DMD: variants seen among roughly 807,000 people sequenced by gnomAD.
The protein encoded by DMD is dystrophin, also known as mutant dystrophin.
DMD carries 63 observed loss-of-function variants against 330.1 expected under a neutral mutation model. That is an observed-to-expected ratio of 0.19 (90% confidence interval 0.16 to 0.24). DMD has a LOEUF of 0.24. Ranked by LOEUF, DMD falls within the 10% of genes least tolerant of loss-of-function variation. DMD has a pLI of 1.00. For missense variants in DMD, 3,344 were observed against 2,684.1 expected (o/e 1.25, Z -5.43); for synonymous variants, 1,223 against 959.8 (o/e 1.27, Z -5.07).
intron 13 of DMD, among the ~76,000 whole-genome samples, chrX:32,591,879 C>T (rs1467423871): frequency 8.8e-6 from 1 of 113,094 alleles, no homozygotes; most frequent in Non-Finnish European, 1.9e-5. Context: ...CATCTCCTCG[C>T]TCCCCGCACT....
chrX:32,510,161 G>A lies in DMD; in HGVS notation c.2292+7847C>T, dbSNP rs574078236. On this transcript the variant is annotated intron_variant, in intron 18 of 78. Coordinates refer to ENST00000357033, the MANE Select transcript of DMD (RefSeq NM_004006.3). ...AATAAAAGCTCAAGTCCTTACCATG[G>A]TCTGATCTTAATTAACTTCCTTAAC... is the stretch of plus-strand genomic sequence containing the variant. Among the ~76,000 whole-genome samples, 4 of 111,996 alleles carry A rather than the reference G, an allele frequency of 3.6e-5. No homozygotes were observed. The South Asian group carries it at 1.1e-3, about 31-fold the overall frequency.
At chrX:32,740,628 C>A (rs1484652036) in intron 7 of DMD, among the ~76,000 whole-genome samples, 1 of 111,193 alleles carries the variant, frequency 9.0e-6, no homozygotes, top group South Asian at 3.7e-4. Context: ...ATTATAAAAG[C>A]ATAAAGTTTA....
At chrX:33,103,902 T>C (rs2095263285) in intron 1 of DMD, among the ~76,000 whole-genome samples, 1 of 111,749 alleles carries the variant, frequency 8.9e-6, no homozygotes, top group South Asian at 3.7e-4. Flanking sequence ...TAATGATAAA[T>C]CTAGCATAAT....
intron 49 of DMD, among the ~76,000 whole-genome samples, chrX:31,825,694 T>C (rs1009361651): frequency 5.4e-5 from 6 of 111,972 alleles, no homozygotes; most frequent in Non-Finnish European, 9.4e-5. Context: ...CATATAACAC[T>C]GTATCACTAA....
At chrX:33,173,446 C>T (rs774885252) in intron 1 of DMD, among the ~76,000 whole-genome samples, 7 of 111,022 alleles carry the variant, frequency 6.3e-5, no homozygotes, top group Non-Finnish European at 1.3e-4. Flanking sequence ...TACACTGTAT[C>T]GTACCCCAAA....
At chrX:33,143,562 T>C (rs779120428) in intron 1 of DMD, among the ~76,000 whole-genome samples, 19 of 111,574 alleles carry the variant, frequency 1.7e-4, no homozygotes, top group Non-Finnish European at 3.4e-4. Context: ...AATCATTTTA[T>C]TCCCTTATTT....
intron 60 of DMD, among the ~76,000 whole-genome samples, chrX:31,370,220 A>C (rs1297879385): frequency 9.0e-6 from 1 of 111,712 alleles, no homozygotes; most frequent in Non-Finnish European, 1.9e-5. Context: ...CAACCTCGCC[A>C]AAATTAAAAT....
intron 1 of DMD, among the ~76,000 whole-genome samples, chrX:33,049,636 C>T (rs774339810): frequency 1.8e-5 from 2 of 110,482 alleles, no homozygotes; most frequent in African/African-American, 6.6e-5. Context: ...AATTAGGCCA[C>T]CTCCCTCCAG....
At chrX:31,635,617 T>A (rs1479352684) in intron 54 of DMD, among the ~76,000 whole-genome samples, 1 of 111,700 alleles carries the variant, frequency 9.0e-6, no homozygotes, top group African/African-American at 3.2e-5. Context: ...ACAGATGAAA[T>A]AAACTTATAG....
chrX:33,268,944 C>T (rs921715111), intron 1 of DMD, among the ~76,000 whole-genome samples: 17 of 107,799 alleles, frequency 1.6e-4, no homozygotes, highest in African/African-American at 5.7e-4. Flanking sequence ...AAGATAAACG[C>T]TGGTGAGGCT....
chrX:33,123,275 G>A (rs901512014), intron 1 of DMD, among the ~76,000 whole-genome samples: 1 of 111,965 alleles, frequency 8.9e-6, no homozygotes, highest in African/African-American at 3.2e-5. Context: ...TGTATCCCTG[G>A]TGTTAACACA....
intron 9 of DMD, among the ~76,000 whole-genome samples, chrX:32,683,381 T>A (rs145278527): frequency 0.029 from 3,221 of 109,790 alleles, 96 homozygotes; most frequent in African/African-American, 0.099. Flanking sequence ...TAGCAAAGAC[T>A]TGGAATCAAC....
At chrX:32,258,672 G>T (rs12688775) in intron 43 of DMD, among the ~76,000 whole-genome samples, 1 of 109,314 alleles carries the variant, frequency 9.1e-6, no homozygotes, top group East Asian at 2.9e-4. Context: ...AGGGGATGGG[G>T]GGTTAGGGGA....
chrX:33,230,996 C>A (rs748421667), intron 1 of DMD, among the ~76,000 whole-genome samples: 2 of 111,139 alleles, frequency 1.8e-5, no homozygotes, highest in Non-Finnish European at 3.8e-5. Context: ...GAATCAGGCA[C>A]CTTGGTACTT....
At chrX:32,815,292 A>G (rs1485558943) in intron 6 of DMD, among the ~76,000 whole-genome samples, 4 of 104,101 alleles carry the variant, frequency 3.8e-5, no homozygotes, top group Admixed American at 1.1e-4. Context: ...GCATAGGAAA[A>G]TGGTAGAGTG....
chrX:31,830,942 C>A (rs1037385372), intron 49 of DMD, among the ~76,000 whole-genome samples: 5 of 112,103 alleles, frequency 4.5e-5, no homozygotes, highest in Non-Finnish European at 5.6e-5. Context: ...TTAATCTCAT[C>A]TTCTAGATAA....
intron 43 of DMD, among the ~76,000 whole-genome samples, chrX:32,247,225 C>A (rs1008647799): frequency 5.4e-5 from 6 of 111,749 alleles, no homozygotes; most frequent in African/African-American, 1.9e-4. Flanking sequence ...ATTTGCGAAT[C>A]TTGTTTAATC....
intron 44 of DMD, among the ~76,000 whole-genome samples, chrX:31,989,542 T>C (rs987640568): frequency 2.7e-5 from 3 of 111,336 alleles, no homozygotes; most frequent in Non-Finnish European, 5.6e-5. Flanking sequence ...TTATTTTGTC[T>C]GATGCTAAGG....
At chrX:33,326,635 C>G (rs1283776863) in intron 1 of DMD, among the ~76,000 whole-genome samples, 2 of 111,716 alleles carry the variant, frequency 1.8e-5, no homozygotes, top group Non-Finnish European at 3.8e-5. Flanking sequence ...TGTAAAGTAC[C>G]TTCTCTTCAT....
Sources: gnomAD v4.1 joint callset for allele counts (sites outside exome capture counted in the v4.1 genomes callset) on GRCh38, gnomAD v4.1.1 for gene constraint, MANE v1.5 for transcripts, NCBI Gene and HGNC (gene_info 2026-07-23, HGNC 2026-07-21) for gene names.